Variants in AFF2 observed in about 807,000 individuals in gnomAD.
AFF2 encodes AF4/FMR2 family member 2.
A neutral mutation model predicts 76.9 loss-of-function variants in AFF2; 14 were observed. That is an observed-to-expected ratio of 0.18 (90% CI 0.12 to 0.28). AFF2 has a LOEUF of 0.28. Ranked by LOEUF, AFF2 falls within the 10% of genes least tolerant of loss-of-function variation. The pLI is 1.00. For synonymous variants in AFF2, 398 were observed against 366.7 expected, an observed-to-expected ratio of 1.09 and a Z score of -0.98; for missense variants, 868 against 1,001.1, an observed-to-expected ratio of 0.87 and a Z score of 1.79.
At chrX:148,916,677 A>G (rs2071536887) in intron 9 of AFF2, among the ~76,000 whole-genome samples, 1 of 111,662 alleles carries the variant, frequency 9.0e-6, no homozygotes, top group African/African-American at 3.3e-5. Context: ...AGGAATAACA[A>G]TATTGGACCA....
intron 7 of AFF2, among the ~76,000 whole-genome samples, chrX:148,878,826 G>C (rs2071064900): frequency 2.7e-5 from 3 of 112,367 alleles, no homozygotes; most frequent in Admixed American, 9.4e-5. Context: ...GTTTCGTTGT[G>C]AGTAACATTT....
At chrX:148,510,697 T>C (rs1022756296) in intron 1 of AFF2, among the ~76,000 whole-genome samples, 1 of 112,224 alleles carries the variant, frequency 8.9e-6, no homozygotes, top group African/African-American at 3.2e-5. Flanking sequence ...GTATACTGGT[T>C]CAAAAACCTG....
intron 1 of AFF2, among the ~76,000 whole-genome samples, chrX:148,522,868 A>T (rs1005261640): frequency 1.8e-5 from 2 of 112,771 alleles, no homozygotes. Flanking sequence ...AAACTATTCC[A>T]ATAACTTAGT....
intron 11 of AFF2, among the ~76,000 whole-genome samples, chrX:148,956,921 A>G (rs1280308523): frequency 2.7e-5 from 3 of 112,917 alleles, no homozygotes; most frequent in African/African-American, 6.4e-5. Flanking sequence ...GTCCAAATGC[A>G]TCTTCTAGGG....
rs1281580089 is a variant in AFF2, at chrX:148,566,320, C to T, written c.47+65176C>T. On this transcript the variant is annotated intron_variant, in intron 1 of 20. Coordinates refer to ENST00000370460, the MANE Select transcript of AFF2 (RefSeq NM_002025.4). The stretch of plus-strand genomic sequence containing the variant: ...GGTTGAATCAGATGCTGATTTCTTC[C>T]CAGAAGTCTAGATTCAGAATTAAAG... Among the ~76,000 whole-genome samples, 3 of 111,084 alleles carry T rather than the reference C, an allele frequency of 2.7e-5. No individual in the cohort carries two copies. The Admixed American group carries it at 2.9e-4, about 11-fold the overall frequency.
At chrX:148,517,404 C>T (rs1444429026) in intron 1 of AFF2, among the ~76,000 whole-genome samples, 3 of 111,692 alleles carry the variant, frequency 2.7e-5, no homozygotes, top group African/African-American at 9.8e-5. Context: ...AATGAAAGGG[C>T]TTGAGTCATC....
chrX:148,947,726 A>G (rs2124338615), intron 9 of AFF2, among the ~76,000 whole-genome samples: 1 of 112,311 alleles, frequency 8.9e-6, no homozygotes, highest in South Asian at 3.8e-4. Flanking sequence ...TTCAGAGACA[A>G]AAACGAAGGA....
intron 1 of AFF2, among the ~76,000 whole-genome samples, chrX:148,626,744 C>G (rs782564416): frequency 1.3e-4 from 14 of 111,310 alleles, no homozygotes; most frequent in Non-Finnish European, 2.4e-4. Context: ...TGTCTCCAAT[C>G]TCCCTCTCCT....
chrX:148,779,042 G>A lies in AFF2; in HGVS notation c.1042-30834G>A, dbSNP rs187548733. On this transcript the variant is annotated intron_variant, in intron 3 of 20. Coordinates refer to ENST00000370460, the MANE Select transcript of AFF2 (RefSeq NM_002025.4). ...TGTCCCAGAGATTCTGGTACATTGT[G>A]TCTTTGTTCTCATTGGTTTCAAAAA... Among the ~76,000 whole-genome samples, 3 of 111,294 alleles carry A rather than the reference G, an allele frequency of 2.7e-5. No homozygotes were observed. The Admixed American group carries it at 2.9e-4, about 11-fold the overall frequency.
At chrX:148,988,304 T>C (rs1433996731) in intron 20 of AFF2, among the ~76,000 whole-genome samples, 3 of 111,991 alleles carry the variant, frequency 2.7e-5, no homozygotes, top group African/African-American at 9.7e-5. Context: ...CACAGACTGC[T>C]CCACACCAGT....
intron 1 of AFF2, among the ~76,000 whole-genome samples, chrX:148,632,253 G>A (rs1456313672): frequency 8.9e-6 from 1 of 112,014 alleles, no homozygotes; most frequent in Admixed American, 9.5e-5. Flanking sequence ...TGGAAATAAT[G>A]AAAAAGTGTT....
chrX:148,806,681 C>T (rs781790743), intron 3 of AFF2, among the ~76,000 whole-genome samples: 6 of 111,771 alleles, frequency 5.4e-5, no homozygotes, highest in Non-Finnish European at 1.1e-4. Context: ...GATGAATAGG[C>T]GGACAGGCGA....
intron 1 of AFF2, among the ~76,000 whole-genome samples, chrX:148,645,518 G>T (rs782740472): frequency 3.4e-4 from 38 of 111,958 alleles, no homozygotes; most frequent in Non-Finnish European, 5.6e-4. Flanking sequence ...GGGAACAAAA[G>T]AATCTGTTTC....
chrX:148,983,635 T>C (rs1224913491), intron 19 of AFF2, among the ~76,000 whole-genome samples: 1 of 111,530 alleles, frequency 9.0e-6, no homozygotes, highest in Non-Finnish European at 1.9e-5. Flanking sequence ...TTACTCCAGA[T>C]TGCCAGAAAA....
At chrX:148,597,834 C>T (rs1425220650) in intron 1 of AFF2, among the ~76,000 whole-genome samples, 1 of 112,283 alleles carries the variant, frequency 8.9e-6, no homozygotes, top group African/African-American at 3.2e-5. Flanking sequence ...CGCCTTATTG[C>T]TAATCGCAAA....
chrX:148,629,823 G>T (rs979529715), intron 1 of AFF2, among the ~76,000 whole-genome samples: 14 of 111,416 alleles, frequency 1.3e-4, no homozygotes, highest in Admixed American at 1.2e-3. Flanking sequence ...CCTGTTCAGT[G>T]GGCCAAGTAA....
chrX:148,533,162 G>A (rs1383394413), intron 1 of AFF2, among the ~76,000 whole-genome samples: 1 of 111,822 alleles, frequency 8.9e-6, no homozygotes, highest in Non-Finnish European at 1.9e-5. Context: ...AATTATGAAA[G>A]GAAAACAAAT....
chrX:148,574,947 T>G (rs1359369156), intron 1 of AFF2, among the ~76,000 whole-genome samples: 5 of 38,428 alleles, frequency 1.3e-4, no homozygotes, highest in African/African-American at 1.0e-3. Context: ...TGCTGGGGTG[T>G]GTGTGTGTGT....
intron 3 of AFF2, among the ~76,000 whole-genome samples, chrX:148,737,908 G>A (rs1192331190): frequency 9.0e-6 from 1 of 111,458 alleles, no homozygotes; most frequent in Non-Finnish European, 1.9e-5. Flanking sequence ...CTGTTTATGT[G>A]GTTTGTCACA....
Sources: allele counts gnomAD v4.1 joint callset (sites outside exome capture counted in the v4.1 genomes callset), GRCh38; gene constraint gnomAD v4.1.1; transcripts MANE v1.5; gene names NCBI Gene and HGNC (gene_info 2026-07-23, HGNC 2026-07-21).